Variants in POU1F1 observed in about 807,000 individuals in gnomAD.
The protein encoded by POU1F1 is pituitary-specific positive transcription factor 1.
In POU1F1, 23 loss-of-function variants were observed where a neutral mutation model predicts 32.3. The observed-to-expected ratio is 0.71, with a 90% confidence interval of 0.51 to 1.01. POU1F1 has a LOEUF of 1.01. Ranked by LOEUF, POU1F1 falls within the 50% of genes least tolerant of loss-of-function variation. POU1F1 has a pLI of 0.00. For missense variants in POU1F1, 323 were observed against 341.6 expected (o/e 0.95, Z 0.43); for synonymous variants, 120 against 115.6 (o/e 1.04, Z -0.25).
At chr3:87,273,019 G>T (rs1392387500) in intron 2 of POU1F1, among the ~76,000 whole-genome samples, 2 of 152,076 alleles carry the variant, frequency 1.3e-5, no homozygotes, top group Admixed American at 6.6e-5. Flanking sequence ...GTGTCTAGTA[G>T]CTACTATATT....
At chr3:87,266,425 GTATAT>G (rs973872462) in intron 2 of POU1F1, among the ~76,000 whole-genome samples, 4 of 148,040 alleles carry the variant, frequency 2.7e-5, no homozygotes, top group Non-Finnish European at 6.0e-5. Context: ...ATCTAATAGG[GTATAT>G]TATTTTTTCT....
chr3:87,263,642 T>C (rs1161250248), intron 3 of POU1F1, among the ~76,000 whole-genome samples: 1 of 152,088 alleles, frequency 6.6e-6, no homozygotes, highest in Non-Finnish European at 1.5e-5. Context: ...TATATTTATA[T>C]GAGTGCAAAA....
chr3:87,276,363 A>G lies in POU1F1; in HGVS notation c.100T>C (p.Cys34Arg), dbSNP rs368440919. The G allele has an allele frequency of 1.2e-6, 2 of 1,614,010 alleles. No individual in the cohort carries two copies. The highest frequency in any genetic ancestry group is 1.7e-6 in the Non-Finnish European group (2 of 1,179,938). ...GTGGCATGGTTGGAGACTGGTAGAC[A>G]CTCGGCAGCACTGTGATGCATTATC... is the stretch of plus-strand genomic sequence containing the variant. The part of the protein sequence containing the change: ...PLIMHHSAAE[C>R]LPVSNHATNV... Residue 34 changes from cysteine to arginine, a missense_variant, in exon 1 of 6, where the codon TGT (cysteine) becomes CGT (arginine). Transcript: ENST00000350375.
At chr3:87,275,998 C>T (rs1706819425) in intron 1 of POU1F1, among the ~76,000 whole-genome samples, 1 of 151,988 alleles carries the variant, frequency 6.6e-6, no homozygotes, top group Non-Finnish European at 1.5e-5. Flanking sequence ...ATTTCATTTG[C>T]TCCTTATTCT....
intron 3 of POU1F1, among the ~76,000 whole-genome samples, chr3:87,263,892 A>T (rs1391658211): frequency 6.6e-6 from 1 of 151,970 alleles, no homozygotes; most frequent in Non-Finnish European, 1.5e-5. Flanking sequence ...TCCATGAGAT[A>T]TCATTGGAAA....
chr3:87,262,875 A>G (rs1228754947), intron 3 of POU1F1, among the ~76,000 whole-genome samples: 1 of 152,142 alleles, frequency 6.6e-6, no homozygotes, highest in Non-Finnish European at 1.5e-5. Context: ...AGCTGAAATA[A>G]CATATAATTT....
intron 5 of POU1F1, 146 bp from the exon 6 acceptor site, chr3:87,260,250 C>T: frequency 1.5e-6 from 1 of 668,490 alleles, no homozygotes; most frequent in South Asian, 1.8e-5. Context: ...GACACTTTAA[C>T]AAGGACAAAT....
At chr3:87,266,300 T>G (rs1471668811) in intron 2 of POU1F1, among the ~76,000 whole-genome samples, 3 of 146,754 alleles carry the variant, frequency 2.0e-5, no homozygotes, top group Non-Finnish European at 4.5e-5. Context: ...TAAATTTAAT[T>G]TAATGTATTA....
chr3:87,272,292 A>ATTTCT (rs763726164), intron 2 of POU1F1, among the ~76,000 whole-genome samples: 4 of 152,078 alleles, frequency 2.6e-5, no homozygotes, highest in East Asian at 1.9e-4. Context: ...ATATCAAAGA[A>ATTTCT]TTTCTTTTCT....
At position 87,259,798 on chromosome 3, in the gene POU1F1, T is replaced by C; in HGVS notation, c.*96A>G. Reference sequence around the variant, plus strand: ...AAAGCTTCTGTAAAAGCTATTGATATAAAATGATTTTAAGTCAACCAAGTA... The same window carrying C: ...AAAGCTTCTGTAAAAGCTATTGATACAAAATGATTTTAAGTCAACCAAGTA... On this transcript the variant is annotated 3_prime_UTR_variant, in exon 6 of 6. Transcript: ENST00000350375. 9.6e-7 allele frequency: 1 copy of C among 1,038,052 alleles called. No individual in the cohort carries two copies. Among genetic ancestry groups the C allele is most frequent in the African/African-American group, 1.6e-5 (1 of 61,906 alleles). 64.3% of individuals were successfully genotyped at this position (1,038,052 alleles called of 1,614,324 possible). A position where few individuals can be genotyped will look rare whatever the true frequency, so the allele number is the denominator to read the frequency against.
Position 87,259,483 on chromosome 3 carries a change from T to C in POU1F1, c.*411A>G, listed in dbSNP as rs1227795822. 3 of 170,608 alleles carry C rather than the reference T, an allele frequency of 1.8e-5. No individual in the cohort carries two copies. The highest frequency in any genetic ancestry group is 7.2e-5 in the African/African-American group (3 of 41,578). 10.6% of individuals were successfully genotyped at this position (170,608 alleles called of 1,614,324 possible). A position where few individuals can be genotyped will look rare whatever the true frequency, so the allele number is the denominator to read the frequency against. ...GAGTTGGTAGAAAGCAGAACATTGG[T>C]TAATTTTTGAATTGGATATTTCTGG... On this transcript the variant is annotated 3_prime_UTR_variant, in exon 6 of 6. Transcript: ENST00000350375.
chr3:87,264,246 C>T, intron 3 of POU1F1, 42 bp downstream of exon 3: 1 of 1,498,644 alleles, frequency 6.7e-7, no homozygotes, highest in Non-Finnish European at 9.3e-7. Flanking sequence ...TAAAGATTTG[C>T]AAACCAAGTT....
chr3:87,271,007 G>T (rs759056391), intron 2 of POU1F1, among the ~76,000 whole-genome samples: 5 of 151,990 alleles, frequency 3.3e-5, no homozygotes, highest in Middle Eastern at 3.4e-3. Flanking sequence ...AAATATCTTT[G>T]TGCTTGTGAT....
At chr3:87,265,850 C>T (rs1264895222) in intron 2 of POU1F1, among the ~76,000 whole-genome samples, 3 of 151,660 alleles carry the variant, frequency 2.0e-5, no homozygotes, top group African/African-American at 4.8e-5. Flanking sequence ...TTTTGGTATC[C>T]TTGGGGGTCC....
rs935147533 is a variant in POU1F1, at chr3:87,259,976, C to T, written c.794G>A (p.Arg265Gln). ...TTTCACCCGTTTTTCTCTCTGCCTC[C>T]GGTTGCAAAACCAAACTCTTACTAC... ...KEVVRVWFCN[R>Q]RQREKRVKTS... Residue 265 changes from arginine to glutamine, a missense_variant, in exon 6 of 6, where the codon CGG becomes CAG. Coordinates refer to ENST00000350375, the MANE Select transcript of POU1F1 (RefSeq NM_000306.4). The T allele has an allele frequency of 3.7e-6, 6 of 1,614,102 alleles. No homozygotes were observed. Among genetic ancestry groups the T allele is most frequent in the Non-Finnish European group, 4.2e-6 (5 of 1,179,998 alleles).
chr3:87,260,671 A>C (rs1044980774), intron 5 of POU1F1, among the ~76,000 whole-genome samples: 2 of 152,110 alleles, frequency 1.3e-5, no homozygotes, highest in Non-Finnish European at 2.9e-5. Flanking sequence ...TGGATACTAC[A>C]TTGTCAGAGC....
chr3:87,276,165 C>G (rs1013057523), intron 1 of POU1F1, among the ~76,000 whole-genome samples, 156 bp downstream of exon 1: 13 of 152,064 alleles, frequency 8.5e-5, no homozygotes, highest in Non-Finnish European at 1.5e-4. Flanking sequence ...GGCATGTTGG[C>G]TTTTTAGATA....
intron 4 of POU1F1, 40 bp from the exon 5 acceptor site, chr3:87,261,373 A>G (rs750282021): frequency 1.4e-6 from 2 of 1,448,126 alleles, no homozygotes; most frequent in Non-Finnish European, 1.9e-6. Context: ...AACACAAAGT[A>G]GACTTTTTAT....
At chr3:87,269,014 C>T (rs906933165) in intron 2 of POU1F1, among the ~76,000 whole-genome samples, 13 of 151,852 alleles carry the variant, frequency 8.6e-5, no homozygotes, top group Admixed American at 4.6e-4. Context: ...TGGCTTGATG[C>T]CTTAAAAAAA....
Sources: allele counts gnomAD v4.1 joint callset (sites outside exome capture counted in the v4.1 genomes callset), GRCh38; gene constraint gnomAD v4.1.1; transcripts MANE v1.5; gene names NCBI Gene and HGNC (gene_info 2026-07-23, HGNC 2026-07-21).